KANK1: variants seen among roughly 807,000 people sequenced by gnomAD.
KANK1 encodes the protein KN motif and ankyrin repeat domain-containing protein 1.
In KANK1, 109 loss-of-function variants were observed where a neutral mutation model predicts 106.2. That is an observed-to-expected ratio of 1.03 (90% confidence interval 0.88 to 1.20). KANK1 has a LOEUF of 1.20. KANK1 is among the 50% of genes most tolerant of loss of function. The pLI is 0.00. For missense variants in KANK1, 2,399 were observed against 1,710.7 expected (o/e 1.40, Z -7.10); for synonymous variants, 873 against 652.2 (o/e 1.34, Z -5.16).
intron 1 of KANK1, among the ~76,000 whole-genome samples, chr9:551,722 A>G (rs2061293920): frequency 6.6e-6 from 1 of 152,036 alleles, no homozygotes; most frequent in Non-Finnish European, 1.5e-5. Flanking sequence ...TTAAAAAGAT[A>G]CCATCGGTGT....
chr9:518,544 G>T (rs554657463), intron 1 of KANK1, among the ~76,000 whole-genome samples: 2 of 151,876 alleles, frequency 1.3e-5, no homozygotes, highest in East Asian at 3.9e-4. Flanking sequence ...TTCCTGCGAG[G>T]TGTATGTTTT....
chr9:533,684 G>C (rs1175049984), intron 1 of KANK1, among the ~76,000 whole-genome samples: 1 of 152,126 alleles, frequency 6.6e-6, no homozygotes, highest in Non-Finnish European at 1.5e-5. Flanking sequence ...GTGTTTTGGA[G>C]GCCCAGTCTG....
chr9:471,444 A>T (rs898122810), intron 2 of KANK1: 2 of 152,238 alleles, frequency 1.3e-5, no homozygotes, highest in Non-Finnish European at 2.9e-5. Context: ...GCATGCCCCA[A>T]GGAGATGGTG....
At chr9:602,830 G>T (rs893092113) in intron 1 of KANK1, among the ~76,000 whole-genome samples, 1 of 151,754 alleles carries the variant, frequency 6.6e-6, no homozygotes, top group Non-Finnish European at 1.5e-5. Context: ...AATAGATCTT[G>T]TTTAGATGAG....
chr9:528,140 A>G (rs774301433), intron 1 of KANK1, among the ~76,000 whole-genome samples: 1,612 of 139,238 alleles, frequency 0.012, 27 homozygotes, highest in African/African-American at 0.04. Context: ...CCGTCTCGGG[A>G]AAAAAAAAAA....
intron 11 of KANK1, chr9:744,808 A>G: frequency 1.4e-6 from 2 of 1,442,146 alleles, no homozygotes; most frequent in Admixed American, 2.6e-5. Flanking sequence ...CTTGCAAGAC[A>G]TATGCTCACA....
At chr9:631,098 C>T (rs1342948768) in intron 1 of KANK1, among the ~76,000 whole-genome samples, 1 of 152,096 alleles carries the variant, frequency 6.6e-6, no homozygotes, top group Non-Finnish European at 1.5e-5. Context: ...TCTTTTGCTG[C>T]TGTTATTGTT....
In KANK1 at chr9:630,355, C is replaced by T. The variant is rs377582098; in HGVS notation, c.-83-46535C>T. 2.7e-5 allele frequency among the ~76,000 whole-genome samples: 4 copies of T among 150,690 alleles called. No individual in the cohort carries two copies. The South Asian group carries it at 8.5e-4, about 32-fold the overall frequency. On this transcript the variant is annotated intron_variant, in intron 1 of 11. Coordinates refer to ENST00000382297, the MANE Select transcript of KANK1 (RefSeq NM_015158.5). Reference sequence around the variant, plus strand: ...CATGAGGTTAAGAGATGGAGACCATCCTGGCTAACATGGTGAAACCCCATC... The same window carrying T: ...CATGAGGTTAAGAGATGGAGACCATTCTGGCTAACATGGTGAAACCCCATC...
intron 1 of KANK1, among the ~76,000 whole-genome samples, chr9:672,468 G>T (rs1319739351): frequency 1.3e-5 from 2 of 152,078 alleles, no homozygotes; most frequent in Non-Finnish European, 2.9e-5. Flanking sequence ...AGTACTTAAT[G>T]TTACACTTTG....
intron 1 of KANK1, among the ~76,000 whole-genome samples, chr9:600,905 A>G (rs1250336432): frequency 6.6e-6 from 1 of 151,832 alleles, no homozygotes; most frequent in Non-Finnish European, 1.5e-5. Context: ...GTTATCCAAA[A>G]GGCAGCCCAC....
At chr9:550,499 A>G (rs1264615526) in intron 1 of KANK1, among the ~76,000 whole-genome samples, 1 of 152,116 alleles carries the variant, frequency 6.6e-6, no homozygotes, top group African/African-American at 2.4e-5. Context: ...AATCCCAGCA[A>G]TTTGGGAAGC....
chr9:615,923 G>C (rs145093650), intron 1 of KANK1, among the ~76,000 whole-genome samples: 2 of 152,132 alleles, frequency 1.3e-5, no homozygotes, highest in East Asian at 3.9e-4. Flanking sequence ...CAAAGGTGGT[G>C]CCAGCTGATA....
rs546298097 is a variant in KANK1, at chr9:730,637, G to A, written c.2896+389G>A. On this transcript the variant is annotated intron_variant, in intron 4 of 11. Coordinates refer to ENST00000382297, the MANE Select transcript of KANK1 (RefSeq NM_015158.5). ...GAACCTGGGAGGTGGAGGTTGCAGT[G>A]AGCTGAGATCACGCCACTGCACTCC... 4 of 282,418 alleles carry A rather than the reference G, an allele frequency of 1.4e-5. No homozygotes were observed. The South Asian group carries it at 1.4e-4, about 10-fold the overall frequency. The allele number at this position is 282,418 out of a possible 1,614,324, so 17.5% of individuals were successfully genotyped here.
intron 10 of KANK1, among the ~76,000 whole-genome samples, chr9:743,246 G>A (rs1299346592): frequency 1.3e-5 from 2 of 152,144 alleles, no homozygotes; most frequent in African/African-American, 2.4e-5. Flanking sequence ...ATCCTTTGTA[G>A]GTCAGATTCT....
intron 3 of KANK1, among the ~76,000 whole-genome samples, chr9:728,776 T>C (rs1291633938): frequency 6.6e-6 from 1 of 152,222 alleles, no homozygotes; most frequent in Admixed American, 6.5e-5. Context: ...CAGACACTCC[T>C]TTCTGTTGAT....
chr9:686,356 A>C (rs972204072), intron 2 of KANK1, among the ~76,000 whole-genome samples: 2 of 152,184 alleles, frequency 1.3e-5, no homozygotes, highest in African/African-American at 2.4e-5. Context: ...CTGTGAGGAC[A>C]AAGACTGGTT....
intron 2 of KANK1, among the ~76,000 whole-genome samples, chr9:681,697 G>C (rs1685086263): frequency 6.6e-6 from 1 of 152,180 alleles, no homozygotes; most frequent in Non-Finnish European, 1.5e-5. Context: ...ATGAGCCGCT[G>C]ATCAGGAAAC....
rs200278059 is a variant in KANK1 at position 742,377 on chromosome 9, C to T, written c.3869C>T (p.Pro1290Leu). The T allele has an allele frequency of 1.2e-6, 2 of 1,613,808 alleles. No homozygotes were observed. Among genetic ancestry groups the T allele is most frequent in the Non-Finnish European group, 1.7e-6 (2 of 1,179,870 alleles). The change falls in exon 10 of 12, where the codon CCC (proline) becomes CTC (leucine). Residue 1290 changes from proline to leucine, a missense_variant. Physicochemically the swap from Pro to Leu is moderately conservative, Grantham distance 98. Coordinates refer to ENST00000382297, the MANE Select transcript of KANK1 (RefSeq NM_015158.5). ...ATTGTCAAGCTGCTGCTGGCCCAGC[C>T]CGGCTGCAACGGTCACCTAGAGGAC... ...VEIVKLLLAQ[P>L]GCNGHLEDND...
chr9:482,501 T>C (rs1343667931), intron 3 of KANK1, among the ~76,000 whole-genome samples: 1 of 152,114 alleles, frequency 6.6e-6, no homozygotes, highest in Non-Finnish European at 1.5e-5. Context: ...GGGCACAATA[T>C]TTTCCCCTCT....
Sources: allele counts gnomAD v4.1 joint callset (sites outside exome capture counted in the v4.1 genomes callset), GRCh38; gene constraint gnomAD v4.1.1; transcripts MANE v1.5; gene names NCBI Gene and HGNC (gene_info 2026-07-23, HGNC 2026-07-21).